Variants in DNAH12 observed in about 807,000 individuals in gnomAD.
DNAH12 encodes the protein dynein axonemal heavy chain 12.
DNAH12 carries 285 observed loss-of-function variants against 371.5 expected under a neutral mutation model. The ratio of observed to expected loss-of-function variants is 0.77; its 90% confidence interval spans 0.70 to 0.85. The LOEUF (loss-of-function observed/expected upper bound fraction) is 0.85. Among genes scored for constraint, DNAH12 ranks in the 40% least tolerant of loss-of-function variants. The probability of loss-of-function intolerance (pLI) is 0.00; values close to 1 mark genes in which losing one functional copy is unlikely to be tolerated. For missense variants in DNAH12, 3,611 were observed against 3,689.4 expected, an observed-to-expected ratio of 0.98 and a Z score of 0.55; for synonymous variants, 1,200 against 1,213.0, an observed-to-expected ratio of 0.99 and a Z score of 0.22.
intron 44 of DNAH12, among the ~76,000 whole-genome samples, chr3:57,393,426 G>C (rs1273458853): frequency 1.3e-5 from 2 of 151,988 alleles, no homozygotes; most frequent in African/African-American, 4.8e-5. Context: ...AGAAGATTGA[G>C]ACCATCGTGG....
At chr3:57,376,842 GCC>G (rs1184706998) in intron 53 of DNAH12, 137 bp downstream of exon 53, 3 of 152,142 alleles carry the variant, frequency 2.0e-5, no homozygotes, top group African/African-American at 7.2e-5. Context: ...GTTTGGAGAA[GCC>G]TGGCCAGGTG....
chr3:57,529,452 G>A (rs1337248519), intron 2 of DNAH12, among the ~76,000 whole-genome samples: 2 of 152,094 alleles, frequency 1.3e-5, no homozygotes, highest in Admixed American at 1.3e-4. Flanking sequence ...TTTCTTCATG[G>A]TTCAATCTCT....
Position 57,472,603 on chromosome 3 carries a change from A to T in DNAH12, c.1719T>A (p.Asn573Lys). ...TCCTAGGCCACATGAGGACAGTTGC[A>T]TTTAAAGCTAAGTCTTCTTGAGGAA... ...FLFPQEDLALNATVLMWPRKI... is the reference protein window; with the variant it reads ...FLFPQEDLALKATVLMWPRKI... Residue 573 changes from asparagine (N) to lysine (K), a missense_variant, in exon 14 of 74, where the codon AAT becomes AAA. Physicochemically the swap from Asn to Lys is moderately conservative, Grantham distance 94. Coordinates refer to ENST00000495027, the MANE Select transcript of DNAH12 (RefSeq NM_001366028.2). 6.4e-7 allele frequency: 1 copy of T among 1,551,178 alleles called. No individual in the cohort carries two copies.
chr3:57,408,165 C>T (rs782126483), intron 40 of DNAH12, 115 bp downstream of exon 40: 2 of 1,204,876 alleles, frequency 1.7e-6, no homozygotes, highest in Non-Finnish European at 2.2e-6. Context: ...CTCTGGTCTT[C>T]TAAACAGTTT....
Position 57,405,905 on chromosome 3 carries a change from G to C in DNAH12, c.6324C>G (p.Ser2108=). 1 of 1,548,436 alleles carries C rather than the reference G, an allele frequency of 6.5e-7. No homozygotes were observed. ...VENLLPTPTK[S]HYTFNLRDFS... is the part of the protein sequence containing the mutation. The stretch of plus-strand genomic sequence containing the variant: ...AATCACGCAAGTTGAAAGTATAATG[G>C]GATTTTGTGGGAGTGGGTAAAAGAT... Residue 2108 remains serine (S), a synonymous_variant, in exon 41 of 74, where the codon TCC becomes TCG. Transcript: ENST00000495027.
chr3:57,476,327 AGGCTGAGACG>A (rs1211343996), intron 13 of DNAH12, among the ~76,000 whole-genome samples: 2 of 152,152 alleles, frequency 1.3e-5, no homozygotes, highest in Non-Finnish European at 2.9e-5. Flanking sequence ...GCACTTTGGG[AGGCTGAGACG>A]GGCAGATCAT....
At chr3:57,533,985 C>T (rs1242871992) in intron 2 of DNAH12, among the ~76,000 whole-genome samples, 1 of 152,038 alleles carries the variant, frequency 6.6e-6, no homozygotes, top group African/African-American at 2.4e-5. Flanking sequence ...TATTTAGGGC[C>T]CCAGGGTACT....
At position 57,427,655 on chromosome 3, in the gene DNAH12, G is replaced by A. The variant is rs144237863; in HGVS notation, c.5253+978C>T. ...CGGTGAACCAAGATCGCTCCACTGC[G>A]CTCCAGCCTGGGTGACAGAGCAAGA... On this transcript the variant is annotated intron_variant, in intron 34 of 73. Coordinates refer to ENST00000495027, the MANE Select transcript of DNAH12 (RefSeq NM_001366028.2). 4.5e-3 allele frequency among the ~76,000 whole-genome samples: 685 copies of A among 151,984 alleles called. 7 individuals are homozygous for A. Among genetic ancestry groups the A allele is most frequent in the African/African-American group, 0.016 (659 of 41,450 alleles).
At chr3:57,538,677 C>T (rs1471303527) in intron 2 of DNAH12, among the ~76,000 whole-genome samples, 2 of 152,212 alleles carry the variant, frequency 1.3e-5, no homozygotes, top group Non-Finnish European at 2.9e-5. Context: ...AACCTTTTGC[C>T]CTAGGCCTTT....
At chr3:57,496,742 GC>G (rs1374228718) in intron 11 of DNAH12, among the ~76,000 whole-genome samples, 5 of 152,208 alleles carry the variant, frequency 3.3e-5, no homozygotes. Context: ...GCCAAGGTGG[GC>G]GGATCACCTG....
At chr3:57,546,592 T>C (rs192589220), upstream of DNAH12, among the ~76,000 whole-genome samples, 1 of 152,280 alleles carries the variant, frequency 6.6e-6, no homozygotes, top group Non-Finnish European at 1.5e-5. Flanking sequence ...ATCCTCCTGC[T>C]TCAGCTTCCT....
chr3:57,429,641 A>C (rs2064893519), intron 33 of DNAH12, 50 bp downstream of exon 33: 1 of 1,473,132 alleles, frequency 6.8e-7, no homozygotes, highest in African/African-American at 1.4e-5. Context: ...TGGCTAAATT[A>C]AAGAATGAAG....
rs1169569706 is a variant in DNAH12 at position 57,334,843 on chromosome 3, G to A, written c.9772C>T (p.Gln3258Ter). The A allele has an allele frequency of 1.3e-6, 2 of 1,552,020 alleles. No individual in the cohort carries two copies. The highest frequency in any genetic ancestry group is 1.2e-5 in the South Asian group (1 of 84,048). Reference sequence around the variant, plus strand: ...CAGATTTCCTCCCAGCTTTTGTCCTGTAGCCAAGTTGGATCAGGATTTTTC... The same window carrying A: ...CAGATTTCCTCCCAGCTTTTGTCCTATAGCCAAGTTGGATCAGGATTTTTC... Reference protein sequence around the residue: ...AEKNPDPTWLQDKSWEEICRA... With the variant: ...AEKNPDPTWL Residue 3258 changes from glutamine to a stop codon, truncating the protein, a stop_gained, in exon 61 of 74, where the codon CAG becomes TAG. Coordinates refer to ENST00000495027, the MANE Select transcript of DNAH12 (RefSeq NM_001366028.2). LOFTEE classifies it high-confidence loss of function.
At chr3:57,514,572 G>A (rs1431357166) in intron 4 of DNAH12, among the ~76,000 whole-genome samples, 1 of 152,078 alleles carries the variant, frequency 6.6e-6, no homozygotes, top group Non-Finnish European at 1.5e-5. Flanking sequence ...GGAACAGACA[G>A]AAAGTATGGG....
rs562875029 is a variant in DNAH12 at position 57,310,944 on chromosome 3, T to C, written c.10669A>G (p.Ile3557Val). The C allele has an allele frequency of 1.3e-5, 20 of 1,542,984 alleles. No homozygotes were observed. The South Asian group carries it at 2.4e-4, about 19-fold the overall frequency. Residue 3557 changes from isoleucine (I) to valine (V), a missense_variant, in exon 67 of 74, where the codon ATC (isoleucine) becomes GTC (valine). Physicochemically the swap from Ile to Val is conservative, Grantham distance 29. Around this residue, in one of 3 missense-constraint regions of DNAH12, gnomAD observed 2,266 missense variants for 2,236.9 expected, o/e 1.01. Coordinates refer to ENST00000495027, the MANE Select transcript of DNAH12 (RefSeq NM_001366028.2). ...RISIRQLQLF[I>V]NEYDTIPFEA... ...AATGGAATTGTATCATATTCATTGA[T>C]AAATAACTGAAGCAAAGGAAAAATG...
At chr3:57,454,953 T>A (rs537574627) in intron 22 of DNAH12, 59 bp from the exon 23 acceptor site, 1 of 1,514,090 alleles carries the variant, frequency 6.6e-7, no homozygotes, top group Admixed American at 2.3e-5. Flanking sequence ...AATAGCTAAA[T>A]GTCTAACAAT....
rs546791404 is a variant in DNAH12 at position 57,412,471 on chromosome 3, CT to C, written c.6020+1274del. On this transcript the variant is annotated intron_variant, in intron 39 of 73. Transcript: ENST00000495027. The stretch of plus-strand genomic sequence containing the variant: ...TTCATTAAAATTAACAACTTCTGCT[CT>C]GCCAAAGACAATGTCAAGAGAATGA... Among the ~76,000 whole-genome samples the C allele has an allele frequency of 8.5e-5, 13 of 152,276 alleles. No individual in the cohort carries two copies. The South Asian group carries it at 2.7e-3, about 32-fold the overall frequency.
chr3:57,396,417 A>G (rs2063743569), intron 43 of DNAH12, among the ~76,000 whole-genome samples: 2 of 146,566 alleles, frequency 1.4e-5, no homozygotes, highest in Admixed American at 1.4e-4. Flanking sequence ...TTGTTTTTTG[A>G]GACAGAGTCT....
intron 60 of DNAH12, among the ~76,000 whole-genome samples, chr3:57,341,799 A>G (rs1410434344): frequency 6.6e-6 from 1 of 152,212 alleles, no homozygotes; most frequent in African/African-American, 2.4e-5. Flanking sequence ...AAGACCGCAA[A>G]TAGCCAAAAC....
Sources: allele counts gnomAD v4.1 joint callset (sites outside exome capture counted in the v4.1 genomes callset), GRCh38; gene constraint gnomAD v4.1.1; regional missense constraint gnomAD v4.1.1; transcripts MANE v1.5; gene names NCBI Gene and HGNC (gene_info 2026-07-23, HGNC 2026-07-21).